Variants in COMMD1 observed in about 807,000 individuals in gnomAD.
COMMD1 encodes copper metabolism domain containing 1.
Under a neutral mutation model 17.2 loss-of-function variants are expected in COMMD1, and 10 were observed. The ratio of observed to expected loss-of-function variants is 0.58; its 90% CI spans 0.36 to 0.99. The LOEUF (loss-of-function observed/expected upper bound fraction) is 0.99, where lower values mean the gene tolerates loss of function less well. Among genes scored for constraint, COMMD1 ranks in the 50% least tolerant of loss-of-function variants. The pLI is 0.01. For missense variants in COMMD1, 270 were observed against 231.8 expected, an observed-to-expected ratio of 1.17 and a Z score of -1.07; for synonymous variants, 97 against 91.6, an observed-to-expected ratio of 1.06 and a Z score of -0.34.
Position 62,011,025 on chromosome 2 carries a change from A to C in COMMD1, c.462+10043A>C, listed in dbSNP as rs530307988. Among the ~76,000 whole-genome samples, 20 of 152,334 alleles carry C rather than the reference A, an allele frequency of 1.3e-4. No homozygotes were observed. In the South Asian group the frequency reaches 3.5e-3, roughly 27 times the overall value. ...ACTGGCCTTGTTGCTAATTTCTGAA[A>C]CATTCCAGGGATCTTCAGGACCTGT... On this transcript the variant is annotated intron_variant, in intron 2 of 2. Coordinates refer to ENST00000311832, the MANE Select transcript of COMMD1 (RefSeq NM_152516.4).
intron 2 of COMMD1, among the ~76,000 whole-genome samples, chr2:62,118,750 G>A (rs1672666254): frequency 2.0e-5 from 3 of 152,252 alleles, no homozygotes; most frequent in Admixed American, 2.0e-4. Context: ...CAATGAGGGT[G>A]AGGCCAGATA....
At chr2:62,132,739 C>T (rs921494574) in intron 2 of COMMD1, among the ~76,000 whole-genome samples, 1 of 152,038 alleles carries the variant, frequency 6.6e-6, no homozygotes, top group African/African-American at 2.4e-5. Flanking sequence ...ATCCCAGCCA[C>T]TCAGGAGGCT....
At chr2:61,945,790 TTTAA>T (rs1670889867) in intron 1 of COMMD1, among the ~76,000 whole-genome samples, 1 of 152,188 alleles carries the variant, frequency 6.6e-6, no homozygotes, top group Non-Finnish European at 1.5e-5. Context: ...CATAGGCAGA[TTTAA>T]AGACATTCTC....
chr2:62,101,030 T>C (rs1398279454), intron 2 of COMMD1, among the ~76,000 whole-genome samples: 2 of 151,976 alleles, frequency 1.3e-5, no homozygotes, highest in Non-Finnish European at 2.9e-5. Context: ...AAAACCCATC[T>C]GATGAGAATT....
intron 1 of COMMD1, among the ~76,000 whole-genome samples, chr2:61,977,989 A>G (rs1274897461): frequency 7.0e-6 from 1 of 142,888 alleles, no homozygotes; most frequent in Non-Finnish European, 1.5e-5. Flanking sequence ...ATTCTGTCTG[A>G]AAAAAAAAAA....
At chr2:61,991,509 T>C (rs1032407087) in intron 1 of COMMD1, among the ~76,000 whole-genome samples, 2 of 152,222 alleles carry the variant, frequency 1.3e-5, no homozygotes, top group Non-Finnish European at 2.9e-5. Context: ...AATAGACTTT[T>C]TGACATAATT....
chr2:62,055,973 G>A (rs974603907), intron 2 of COMMD1, among the ~76,000 whole-genome samples: 4 of 152,218 alleles, frequency 2.6e-5, no homozygotes, highest in African/African-American at 7.2e-5. Flanking sequence ...ATGAGGATGT[G>A]TTATGTGCAC....
intron 2 of COMMD1, among the ~76,000 whole-genome samples, chr2:62,058,756 G>T (rs1371078414): frequency 6.6e-6 from 1 of 151,960 alleles, no homozygotes; most frequent in Non-Finnish European, 1.5e-5. Flanking sequence ...AAGGTGGGAG[G>T]TATTAAATAA....
At chr2:61,965,238 A>T (rs994840517) in intron 1 of COMMD1, among the ~76,000 whole-genome samples, 1 of 152,188 alleles carries the variant, frequency 6.6e-6, no homozygotes, top group Non-Finnish European at 1.5e-5. Context: ...AATTACTGTG[A>T]TCAGGTTTTA....
At chr2:61,902,522 AAAG>A (rs1000216598), upstream of COMMD1, among the ~76,000 whole-genome samples, 2 of 152,074 alleles carry the variant, frequency 1.3e-5, no homozygotes, top group African/African-American at 4.8e-5. Context: ...AAAAAAAAGA[AAAG>A]AAATCACTGA....
chr2:61,903,943 A>G (rs574579412), upstream of COMMD1, among the ~76,000 whole-genome samples: 29 of 152,106 alleles, frequency 1.9e-4, no homozygotes, highest in African/African-American at 6.5e-4. Context: ...AAGGTGAAAA[A>G]CCTGTTTGTT....
chr2:62,029,080 T>C (rs1435850734), intron 2 of COMMD1, among the ~76,000 whole-genome samples: 6 of 152,192 alleles, frequency 3.9e-5, no homozygotes, highest in Non-Finnish European at 8.8e-5. Flanking sequence ...TGGTTATAGA[T>C]AGAAGATTCA....
intron 1 of COMMD1, among the ~76,000 whole-genome samples, chr2:61,889,531 C>T (rs1331635335): frequency 1.3e-5 from 2 of 152,150 alleles, no homozygotes; most frequent in African/African-American, 4.8e-5. Context: ...TCCTTTAACT[C>T]CGGCTGGATC....
intron 1 of COMMD1, among the ~76,000 whole-genome samples, chr2:61,934,857 GTCC>G (rs1670562242): frequency 6.6e-6 from 1 of 152,186 alleles, no homozygotes; most frequent in Non-Finnish European, 1.5e-5. Flanking sequence ...GGCTCAAGCA[GTCC>G]TCCTGCCTTG....
At chr2:61,937,217 T>A (rs571358876) in intron 1 of COMMD1, among the ~76,000 whole-genome samples, 2 of 152,180 alleles carry the variant, frequency 1.3e-5, no homozygotes, top group African/African-American at 4.8e-5. Context: ...ATATTAGGGC[T>A]GGAGGGGTAT....
intron 1 of COMMD1, chr2:61,918,547 A>C (rs376535568): frequency 6.6e-6 from 1 of 152,150 alleles, no homozygotes; most frequent in Non-Finnish European, 1.5e-5. Flanking sequence ...CAATTAATCT[A>C]TTTTTGGTTT....
At chr2:62,006,683 T>C (rs879899249) in intron 2 of COMMD1, among the ~76,000 whole-genome samples, 19 of 152,240 alleles carry the variant, frequency 1.2e-4, no homozygotes, top group Admixed American at 1.2e-3. Context: ...AATCCTGTCA[T>C]ATTTGGCCAT....
At chr2:62,015,695 GTTT>G (rs1175789686) in intron 2 of COMMD1, among the ~76,000 whole-genome samples, 1 of 127,238 alleles carries the variant, frequency 7.9e-6, no homozygotes. Flanking sequence ...TAGTTTCTGG[GTTT>G]TTTTTTTTTT....
At chr2:62,114,022 T>G (rs996555602) in intron 2 of COMMD1, among the ~76,000 whole-genome samples, 1 of 152,250 alleles carries the variant, frequency 6.6e-6, no homozygotes, top group African/African-American at 2.4e-5. Flanking sequence ...TCCTCTCAGT[T>G]TGAAATGAGG....
Sources: gnomAD v4.1 joint callset for allele counts (sites outside exome capture counted in the v4.1 genomes callset) on GRCh38, gnomAD v4.1.1 for gene constraint, MANE v1.5 for transcripts, NCBI Gene and HGNC (gene_info 2026-07-23, HGNC 2026-07-21) for gene names.